The following PSG5 variants were observed in gnomAD, a reference collection of about 807,000 sequenced individuals.
PSG5 encodes pregnancy-specific beta-1-glycoprotein 5.
A neutral mutation model predicts 37.7 loss-of-function variants in PSG5; 53 were observed. The observed-to-expected ratio is 1.41, with a 90% CI of 1.13 to 1.77. The LOEUF (loss-of-function observed/expected upper bound fraction) is 1.77. Ranked by LOEUF, PSG5 falls within the 40% of genes most tolerant of loss-of-function variation. The pLI is 0.00. For missense variants in PSG5, 547 were observed against 405.2 expected, an observed-to-expected ratio of 1.35 and a Z score of -3.00; for synonymous variants, 221 against 155.4, an observed-to-expected ratio of 1.42 and a Z score of -3.14.
chr19:43,181,002 T>C (rs186303728), intron 2 of PSG5, among the ~76,000 whole-genome samples: 43 of 151,846 alleles, frequency 2.8e-4, no homozygotes, highest in South Asian at 4.1e-4. Context: ...TCATTTTCTC[T>C]TAAGCTCACG....
chr19:43,168,228 G>A, intron 5 of PSG5, 25 bp from the exon 6 acceptor site: 1 of 394,060 alleles, frequency 2.5e-6, no homozygotes, highest in Non-Finnish European at 4.7e-6. Context: ...GATTTAAACT[G>A]ACTATGGTTA....
At chr19:43,179,048 C>A (rs755040015) in intron 2 of PSG5, 5 of 1,612,700 alleles carry the variant, frequency 3.1e-6, no homozygotes, top group East Asian at 2.2e-5. Flanking sequence ...CATTCATCCA[C>A]CACAGGTAGC....
At chr19:43,177,983 C>T (rs764355182) in intron 2 of PSG5, among the ~76,000 whole-genome samples, 8 of 151,546 alleles carry the variant, frequency 5.3e-5, no homozygotes, top group South Asian at 2.1e-4. Context: ...CTGATGTTAA[C>T]GTGAATTGAA....
At chr19:43,182,668 T>A (rs1398409117) in intron 2 of PSG5, among the ~76,000 whole-genome samples, 5 of 141,076 alleles carry the variant, frequency 3.5e-5, no homozygotes, top group Non-Finnish European at 7.7e-5. Flanking sequence ...CTTGGAGTCG[T>A]TAAAATCTTT....
chr19:43,171,996 AAAG>A (rs1435877390), intron 4 of PSG5, among the ~76,000 whole-genome samples: 7 of 149,998 alleles, frequency 4.7e-5, no homozygotes, highest in Non-Finnish European at 1.0e-4. Context: ...AAAAAAAAAA[AAAG>A]AAAAAGAAAG....
chr19:43,183,872 G>C (rs976734749), intron 2 of PSG5, among the ~76,000 whole-genome samples: 4 of 151,426 alleles, frequency 2.6e-5, no homozygotes, highest in Admixed American at 6.6e-5. Flanking sequence ...CTGTGCCTCA[G>C]TTTTCTCTCA....
chr19:43,176,330 A>G (rs1969011344), intron 2 of PSG5, among the ~76,000 whole-genome samples, 182 bp from the exon 3 acceptor site: 1 of 151,602 alleles, frequency 6.6e-6, no homozygotes, highest in African/African-American at 2.4e-5. Flanking sequence ...CTGTGAGGCC[A>G]CCTGCTCTGT....
rs964706550 is a variant in PSG5, at chr19:43,172,055, T to G, written c.965-1917A>C. On this transcript the variant is annotated intron_variant, in intron 4 of 5. Transcript: ENST00000342951. ...CTACCAATTCTAATAAAATAATGATTATGAAAGTACTATAAATAATTTTAT... is the reference window on the plus strand; with the variant it reads ...CTACCAATTCTAATAAAATAATGATGATGAAAGTACTATAAATAATTTTAT... Among the ~76,000 whole-genome samples the G allele has an allele frequency of 2.7e-5, 4 of 150,566 alleles. 1 individual carries two copies. Among genetic ancestry groups the G allele is most frequent in the Admixed American group, 2.0e-4 (3 of 15,062 alleles).
In PSG5 at chr19:43,168,014, A is replaced by T; in HGVS notation, c.*230T>A. 2.4e-6 allele frequency: 1 copy of T among 412,054 alleles called. No individual in the cohort carries two copies. The highest frequency in any genetic ancestry group is 4.5e-6 in the Non-Finnish European group (1 of 224,158). The allele number at this position is 412,054 out of a possible 1,614,324, so 25.5% of individuals were successfully genotyped here. The stretch of plus-strand genomic sequence containing the variant: ...GGAGTTTTTTTCTTCTTTGTCTAGA[A>T]TTTCATGAAGGTATCAGCCTGTTCA... On this transcript the variant is annotated 3_prime_UTR_variant, in exon 6 of 6. Transcript: ENST00000342951.
In PSG5 at chr19:43,185,084, G is replaced by T. The variant is rs754804317; in HGVS notation, c.128C>A (p.Pro43His). Reference sequence around the variant, plus strand: ...AACATCCTTCCCCTCGGAAACTTTGGGTGGCAGGGCTTCAATCGTGACTTG... The same window carrying T: ...AACATCCTTCCCCTCGGAAACTTTGTGTGGCAGGGCTTCAATCGTGACTTG... ...TAQVTIEALP[P>H]KVSEGKDVLL... The change falls in exon 2 of 6, where the codon CCC becomes CAC. Residue 43 changes from proline to histidine, a missense_variant. Pro to His is a moderately conservative substitution (Grantham distance 77, BLOSUM62 -2). Transcript: ENST00000342951. 1.9e-6 allele frequency: 3 copies of T among 1,612,074 alleles called. 1 individual carries two copies. Among genetic ancestry groups the T allele is most frequent in the South Asian group, 1.1e-5 (1 of 91,006 alleles).
rs1966903371 is a variant in PSG5, at chr19:43,185,086, T to A, written c.126A>T (p.Pro42=). ...CATCCTTCCCCTCGGAAACTTTGGG[T>A]GGCAGGGCTTCAATCGTGACTTGAG... ...ITAQVTIEAL[P]PKVSEGKDVL... is the part of the protein sequence containing the mutation. Residue 42 remains proline (P), a synonymous_variant, in exon 2 of 6, where the codon CCA becomes CCT. Coordinates refer to ENST00000342951, the MANE Select transcript of PSG5 (RefSeq NM_002781.4). 1 of 1,611,856 alleles carries A rather than the reference T, an allele frequency of 6.2e-7. No individual in the cohort carries two copies. Among genetic ancestry groups the A allele is most frequent in the African/African-American group, 1.3e-5 (1 of 74,574 alleles).
chr19:43,182,300 G>A (rs1969145072), intron 2 of PSG5, among the ~76,000 whole-genome samples: 1 of 151,706 alleles, frequency 6.6e-6, no homozygotes, highest in African/African-American at 2.4e-5. Flanking sequence ...CTGCTGCAAT[G>A]TTGTTTGGCC....
At chr19:43,168,452 T>A (rs1968833783) in intron 5 of PSG5, among the ~76,000 whole-genome samples, 1 of 151,550 alleles carries the variant, frequency 6.6e-6, no homozygotes, top group Admixed American at 6.6e-5. Context: ...CACTGCAAGC[T>A]CTGCCTCCCG....
intron 4 of PSG5, among the ~76,000 whole-genome samples, chr19:43,172,759 G>A (rs1167379341): frequency 2.0e-5 from 3 of 151,640 alleles, no homozygotes; most frequent in Non-Finnish European, 4.4e-5. Flanking sequence ...AAGACATTTT[G>A]TGTTCATGAA....
chr19:43,174,068 G>A (rs546014077), intron 4 of PSG5: 1 of 151,740 alleles, frequency 6.6e-6, no homozygotes, highest in South Asian at 2.1e-4. Context: ...CGTGCAAAAT[G>A]GATGAACCTT....
intron 1 of PSG5, among the ~76,000 whole-genome samples, 190 bp from the exon 2 acceptor site, chr19:43,185,337 A>T (rs1966910965): frequency 6.6e-6 from 1 of 150,898 alleles, no homozygotes; most frequent in South Asian, 2.1e-4. Context: ...CTGTCCTACT[A>T]GGTCAAGGTC....
At chr19:43,181,081 T>G (rs1345021213) in intron 2 of PSG5, among the ~76,000 whole-genome samples, 9 of 151,446 alleles carry the variant, frequency 5.9e-5, no homozygotes, top group African/African-American at 9.7e-5. Context: ...GGCTCGTGTG[T>G]CTCCCCACAC....
chr19:43,186,281 A>C (rs1966939018), intron 1 of PSG5, 61 bp downstream of exon 1: 1 of 1,608,458 alleles, frequency 6.2e-7, no homozygotes, highest in East Asian at 2.2e-5. Context: ...CCTCTCCAGG[A>C]GACCCAATCC....
chr19:43,168,499 A>G (rs571710089), intron 5 of PSG5, among the ~76,000 whole-genome samples: 61 of 151,446 alleles, frequency 4.0e-4, no homozygotes, highest in African/African-American at 1.1e-3. Flanking sequence ...CTCCTGAGTA[A>G]CTGGGACTAC....
Sources: allele counts gnomAD v4.1 joint callset (sites outside exome capture counted in the v4.1 genomes callset), GRCh38; gene constraint gnomAD v4.1.1; transcripts MANE v1.5; gene names NCBI Gene and HGNC (gene_info 2026-07-23, HGNC 2026-07-21).